SHC4: variants seen among roughly 807,000 people sequenced by gnomAD.
SHC4 encodes the protein SHC-transforming protein 4.
SHC4 carries 41 observed loss-of-function variants against 69.4 expected under a neutral mutation model. The ratio of observed to expected loss-of-function variants is 0.59; its 90% CI spans 0.46 to 0.77. SHC4 has a LOEUF of 0.77. Among genes scored for constraint, SHC4 ranks in the 30% least tolerant of loss-of-function variants. SHC4 has a pLI of 0.00. For missense variants in SHC4, 777 were observed against 783.8 expected (o/e 0.99, Z 0.10); for synonymous variants, 318 against 299.3 (o/e 1.06, Z -0.64).
chr15:48,831,806 T>A (rs182202885), intron 11 of SHC4, among the ~76,000 whole-genome samples: 1 of 152,388 alleles, frequency 6.6e-6, no homozygotes, highest in African/African-American at 2.4e-5. Flanking sequence ...TTTTTCTATA[T>A]ATTTACCTTT....
intron 2 of SHC4, among the ~76,000 whole-genome samples, chr15:48,924,033 T>C (rs1900800678): frequency 6.6e-6 from 1 of 152,154 alleles, no homozygotes; most frequent in Non-Finnish European, 1.5e-5. Context: ...TACTTCTTTT[T>C]CTAGGCCTAG....
intron 8 of SHC4, among the ~76,000 whole-genome samples, chr15:48,852,585 A>G (rs537246106): frequency 2.5e-4 from 38 of 152,280 alleles, no homozygotes; most frequent in African/African-American, 8.4e-4. Flanking sequence ...ATGTTTTGGA[A>G]GCTTACAGAA....
chr15:48,937,821 T>A (rs888178799), intron 1 of SHC4, among the ~76,000 whole-genome samples: 1 of 152,232 alleles, frequency 6.6e-6, no homozygotes, highest in Non-Finnish European at 1.5e-5. Context: ...TGTCAGCCAT[T>A]CTGTGTTCTC....
intron 2 of SHC4, among the ~76,000 whole-genome samples, chr15:48,909,238 T>C (rs1296651113): frequency 6.6e-6 from 1 of 151,976 alleles, no homozygotes; most frequent in East Asian, 1.9e-4. Flanking sequence ...CATTGTTTTG[T>C]AGTCTTCCTT....
At chr15:48,833,101 A>T (rs1164327650) in intron 11 of SHC4, among the ~76,000 whole-genome samples, 1 of 151,964 alleles carries the variant, frequency 6.6e-6, no homozygotes, top group East Asian at 1.9e-4. Flanking sequence ...TTTGAGTTTC[A>T]TAACTTTGTG....
intron 2 of SHC4, among the ~76,000 whole-genome samples, chr15:48,899,017 G>T (rs1469189500): frequency 6.7e-6 from 1 of 149,836 alleles, no homozygotes; most frequent in African/African-American, 2.5e-5. Flanking sequence ...TGCATAATGT[G>T]GTCACTTAAA....
chr15:48,834,812 C>T lies in SHC4; in HGVS notation c.1694G>A (p.Gly565Glu). Residue 565 changes from glycine to glutamate, a missense_variant, in exon 11 of 12, where the codon GGA becomes GAA. Gly to Glu is a moderately conservative substitution (Grantham distance 98, BLOSUM62 -2). Coordinates refer to ENST00000332408, the MANE Select transcript of SHC4 (RefSeq NM_203349.4). ...PGQYVLSGLQ[G>E]GQAKHLLLVD... ...CAGGAGAAGATGTTTTGCTTGGCCTCCCTGTAGTCCACTCAGCACATATTG... is the reference window on the plus strand; with the variant it reads ...CAGGAGAAGATGTTTTGCTTGGCCTTCCTGTAGTCCACTCAGCACATATTG... 1 of 1,614,156 alleles carries T rather than the reference C, an allele frequency of 6.2e-7. No homozygotes were observed. Among genetic ancestry groups the T allele is most frequent in the Non-Finnish European group, 8.5e-7 (1 of 1,180,022 alleles).
At chr15:48,895,084 T>G (rs1371841739) in intron 2 of SHC4, among the ~76,000 whole-genome samples, 1 of 152,062 alleles carries the variant, frequency 6.6e-6, no homozygotes, top group African/African-American at 2.4e-5. Context: ...GGATTAGAGG[T>G]GTGAGCCACA....
Position 48,901,759 on chromosome 15 carries a change from T to C in SHC4, c.657-10948A>G, listed in dbSNP as rs183912944. 1.7e-3 allele frequency among the ~76,000 whole-genome samples: 253 copies of C among 152,368 alleles called. 1 individual carries two copies. Among genetic ancestry groups the C allele is most frequent in the African/African-American group, 5.7e-3 (238 of 41,588 alleles). ...TTCAAAATCTAGCTGTCTCTTACAATCTCTGTCACCCTGAACAAGTTTTTA... is the reference window on the plus strand; with the variant it reads ...TTCAAAATCTAGCTGTCTCTTACAACCTCTGTCACCCTGAACAAGTTTTTA... On this transcript the variant is annotated intron_variant, in intron 2 of 11. Transcript: ENST00000332408.
chr15:48,895,093 C>T (rs899903299), intron 2 of SHC4, among the ~76,000 whole-genome samples: 10 of 152,248 alleles, frequency 6.6e-5, no homozygotes, highest in African/African-American at 1.4e-4. Flanking sequence ...GTGTGAGCCA[C>T]AGCTCCTGGC....
intron 4 of SHC4, among the ~76,000 whole-genome samples, chr15:48,875,399 A>G (rs1054466243): frequency 3.9e-4 from 59 of 152,336 alleles, no homozygotes; most frequent in African/African-American, 1.3e-3. Context: ...TAAAGCTAAG[A>G]AGTCCTTTAC....
intron 1 of SHC4, among the ~76,000 whole-genome samples, chr15:48,928,330 A>G (rs1900893485): frequency 6.6e-6 from 1 of 152,244 alleles, no homozygotes; most frequent in Non-Finnish European, 1.5e-5. Context: ...CAGGCGGGCT[A>G]TAAGCTGTGG....
chr15:48,860,480 C>A (rs968915072), intron 6 of SHC4, among the ~76,000 whole-genome samples: 5 of 151,990 alleles, frequency 3.3e-5, no homozygotes, highest in Non-Finnish European at 7.4e-5. Context: ...GCACTCCAGT[C>A]TGGGCGACGA....
intron 2 of SHC4, among the ~76,000 whole-genome samples, chr15:48,920,521 T>C (rs2413920): frequency 0.97 from 147,345 of 151,990 alleles, 71,492 homozygotes; most frequent in Non-Finnish European, 0.99. Flanking sequence ...TTATTCTGCC[T>C]GCCTCAGCCT....
intron 1 of SHC4, among the ~76,000 whole-genome samples, chr15:48,939,986 C>T (rs1294713593): frequency 1.3e-5 from 2 of 152,192 alleles, no homozygotes; most frequent in Non-Finnish European, 2.9e-5. Flanking sequence ...TGCCAAGAGG[C>T]GGCAGCTCTG....
In SHC4 at chr15:48,920,022, T is replaced by G. The variant is rs190516605; in HGVS notation, c.656+4857A>C. Among the ~76,000 whole-genome samples, 224 of 151,692 alleles carry G rather than the reference T, an allele frequency of 1.5e-3. 3 individuals are homozygous for G. The highest frequency in any genetic ancestry group is 0.015 in the Admixed American group (223 of 15,260). Reference sequence around the variant, plus strand: ...TACAAGTTCACGGAGTTTGTTTTTTTTTTTTTTTCTGAGACGGAGTCTTGC... The same window carrying G: ...TACAAGTTCACGGAGTTTGTTTTTTGTTTTTTTTCTGAGACGGAGTCTTGC... On this transcript the variant is annotated intron_variant, in intron 2 of 11. Transcript: ENST00000332408.
intron 4 of SHC4, 60 bp from the exon 5 acceptor site, chr15:48,872,202 T>C: frequency 9.6e-7 from 1 of 1,038,402 alleles, no homozygotes; most frequent in Non-Finnish European, 1.4e-6. Flanking sequence ...TTATATACAG[T>C]CTAACAGTAA....
chr15:48,859,050 G>A (rs1294580611), intron 6 of SHC4, among the ~76,000 whole-genome samples: 3 of 152,074 alleles, frequency 2.0e-5, no homozygotes, highest in African/African-American at 7.2e-5. Flanking sequence ...TTTATGGACT[G>A]GTTTAACTAT....
At chr15:48,888,882 C>CAAAAAAA (rs36036782) in intron 3 of SHC4, among the ~76,000 whole-genome samples, 2 of 89,154 alleles carry the variant, frequency 2.2e-5, no homozygotes, top group African/African-American at 8.4e-5. Context: ...GTGAAACTGT[C>CAAAAAAA]AAAAAAAAAA....
Sources: allele counts gnomAD v4.1 joint callset (sites outside exome capture counted in the v4.1 genomes callset), GRCh38; gene constraint gnomAD v4.1.1; transcripts MANE v1.5; gene names NCBI Gene and HGNC (gene_info 2026-07-23, HGNC 2026-07-21).